The following LONP1 variants were observed in gnomAD, a reference collection of about 807,000 sequenced individuals.
LONP1 encodes lon protease homolog, mitochondrial.
Under a neutral mutation model 98.5 loss-of-function variants are expected in LONP1, and 31 were observed. The observed-to-expected ratio is 0.31, with a 90% confidence interval of 0.24 to 0.42. The LOEUF is 0.42. LONP1 is among the 20% of genes least tolerant of loss of function. LONP1 has a pLI of 1.00. For missense variants in LONP1, 1,336 were observed against 1,350.6 expected (o/e 0.99, Z 0.17); for synonymous variants, 781 against 594.7 (o/e 1.31, Z -4.56).
chr19:5,706,142 T>A, intron 7 of LONP1, 150 bp from the exon 8 acceptor site: 1 of 617,676 alleles, frequency 1.6e-6, no homozygotes, highest in Non-Finnish European at 2.8e-6. Flanking sequence ...TCCTTCCATC[T>A]TCTTTTGTTT....
chr19:5,707,194 G>A (rs755117452), intron 6 of LONP1, 51 bp from the exon 7 acceptor site: 15 of 1,463,714 alleles, frequency 1.0e-5, no homozygotes, highest in African/African-American at 1.4e-5. Flanking sequence ...GCATCTGTGT[G>A]TGTAGGGCCG....
At chr19:5,701,397 T>TA (rs534032168) in intron 8 of LONP1, among the ~76,000 whole-genome samples, 2,807 of 152,300 alleles carry the variant, frequency 0.018, 43 homozygotes, top group East Asian at 0.036. Flanking sequence ...GGCTGGACTG[T>TA]GTGCTGCCAT....
rs368654972 is a variant in LONP1, at chr19:5,700,796, C to T, written c.1499G>A (p.Arg500His). 17 of 1,613,996 alleles carry T rather than the reference C, an allele frequency of 1.1e-5. No homozygotes were observed. The highest frequency in any genetic ancestry group is 3.3e-4 in the Middle Eastern group (2 of 6,084). The part of the protein sequence containing the change: ...DHYGMEDVKK[R>H]ILEFIAVSQL... The stretch of plus-strand genomic sequence containing the variant: ...GCCAGACACTGGGCTCACCAGGATG[C>T]GTTTCTTGACGTCCTCCATGCCGTA... The change falls in exon 9 of 18, where the codon CGC becomes CAC. Residue 500 changes from arginine to histidine, a missense_variant. Physicochemically the swap from Arg to His is conservative, Grantham distance 29. This residue lies in a region of LONP1 where 219 missense variants were observed against 241.0 expected (regional missense o/e 0.91). Transcript: ENST00000360614.
intron 1 of LONP1, among the ~76,000 whole-genome samples, chr19:5,716,816 CAG>C (rs1421857168): frequency 6.6e-6 from 1 of 152,076 alleles, no homozygotes; most frequent in African/African-American, 2.4e-5. Flanking sequence ...TTTTTTAAGA[CAG>C]AGTCTTGCTC....
chr19:5,694,365 C>A, intron 15 of LONP1, 22 bp downstream of exon 15: 2 of 1,608,886 alleles, frequency 1.2e-6, no homozygotes, highest in Non-Finnish European at 1.7e-6. Context: ...GCTTTGGGGT[C>A]TTCTCCCGCC....
intron 7 of LONP1, among the ~76,000 whole-genome samples, chr19:5,706,239 C>T (rs1019766071): frequency 3.3e-5 from 5 of 152,066 alleles, no homozygotes; most frequent in African/African-American, 7.2e-5. Context: ...TGGGCTCAAG[C>T]GATCCTCCTG....
Position 5,719,943 on chromosome 19 carries a change from G to A in LONP1, c.190C>T (p.Gln64Ter). The A allele has an allele frequency of 6.4e-7, 1 of 1,564,594 alleles. No individual in the cohort carries two copies. Among genetic ancestry groups the A allele is most frequent in the Non-Finnish European group, 8.6e-7 (1 of 1,156,828 alleles). ...LWGRGPAIGG[Q>*]WRGFWEASSR... ...CTCGCTTCCCAAAACCCCCGCCATT[G>A]GCCCCCAATTGCCGGGCCTCGGCCC... is the stretch of plus-strand genomic sequence containing the variant. Residue 64 changes from glutamine to a stop codon, truncating the protein, a stop_gained, in exon 1 of 18, where the codon CAA becomes TAA. Coordinates refer to ENST00000360614, the MANE Select transcript of LONP1 (RefSeq NM_004793.4). LOFTEE classifies it high-confidence loss of function.
chr19:5,716,555 A>C (rs989696402), intron 1 of LONP1, among the ~76,000 whole-genome samples: 4 of 142,940 alleles, frequency 2.8e-5, no homozygotes, highest in African/African-American at 1.0e-4. Flanking sequence ...TAGATACATA[A>C]TTTTTTTTTT....
chr19:5,693,739 A>G lies in LONP1; in HGVS notation c.2351T>C (p.Leu784Pro). 3.1e-6 allele frequency: 5 copies of G among 1,613,950 alleles called. No individual in the cohort carries two copies. The highest frequency in any genetic ancestry group is 4.2e-6 in the Non-Finnish European group (5 of 1,179,982). ...GGSTLFVETSLRRPQDKDAKG... is the reference protein window; with the variant it reads ...GGSTLFVETSPRRPQDKDAKG... Reference sequence around the variant, plus strand: ...GGCATCCTTGTCCTGTGGCCGTCTCAGGGATGTCTCCACAAACAGCGTGGA... The same window carrying G: ...GGCATCCTTGTCCTGTGGCCGTCTCGGGGATGTCTCCACAAACAGCGTGGA... The change falls in exon 16 of 18, where the codon CTG becomes CCG. Residue 784 changes from leucine (L) to proline (P), a missense_variant. Around this residue, in one of 5 missense-constraint regions of LONP1, gnomAD observed 555 missense variants for 542.6 expected, o/e 1.02. Coordinates refer to ENST00000360614, the MANE Select transcript of LONP1 (RefSeq NM_004793.4).
At chr19:5,715,906 TATC>T (rs1306800773) in intron 1 of LONP1, among the ~76,000 whole-genome samples, 1 of 151,928 alleles carries the variant, frequency 6.6e-6, no homozygotes, top group Non-Finnish European at 1.5e-5. Flanking sequence ...GTTACTTCCT[TATC>T]ACATCATATG....
Position 5,696,618 on chromosome 19 carries a change from C to T in LONP1, c.1773+52G>A. On this transcript the variant is annotated intron_variant, in intron 11 of 17. Coordinates refer to ENST00000360614, the MANE Select transcript of LONP1 (RefSeq NM_004793.4). ...TAGGACCCGGAAGGCTCGGCTTCAT[C>T]TTGCACACGGCATTGCCGGGTTAGG... The T allele has an allele frequency of 2.7e-6, 4 of 1,503,564 alleles. No individual in the cohort carries two copies. The South Asian group carries it at 3.5e-5, about 13-fold the overall frequency. The allele number at this position is 1,503,564 out of a possible 1,614,324, so 93.1% of individuals were successfully genotyped here. A position where few individuals can be genotyped will look rare whatever the true frequency, so the allele number is the denominator to read the frequency against.
intron 8 of LONP1, among the ~76,000 whole-genome samples, chr19:5,702,316 C>A (rs1449966587): frequency 6.8e-6 from 1 of 147,998 alleles, no homozygotes; most frequent in East Asian, 2.0e-4. Flanking sequence ...GAGGCGTCAG[C>A]CCCCCGCCCA....
chr19:5,703,632 G>A (rs1008338115), intron 8 of LONP1, among the ~76,000 whole-genome samples: 9 of 151,582 alleles, frequency 5.9e-5, no homozygotes, highest in African/African-American at 1.7e-4. Flanking sequence ...ACGGGCATAC[G>A]AGACGCACCG....
chr19:5,692,359 G>A (rs973304270), intron 17 of LONP1, 151 bp from the exon 18 acceptor site: 8 of 664,876 alleles, frequency 1.2e-5, no homozygotes, highest in East Asian at 6.1e-5. Context: ...CAGGGTCCCC[G>A]TCTCCCACGG....
At chr19:5,700,404 C>T (rs1353530650) in intron 9 of LONP1, among the ~76,000 whole-genome samples, 12 of 152,314 alleles carry the variant, frequency 7.9e-5, no homozygotes, top group Middle Eastern at 3.4e-3. Context: ...TGAGCCACAG[C>T]GCCCAGCCGC....
At chr19:5,717,334 C>T (rs1053071057) in intron 1 of LONP1, 4 of 152,216 alleles carry the variant, frequency 2.6e-5, no homozygotes, top group Admixed American at 2.6e-4. Flanking sequence ...CCTCTGCCAA[C>T]AGCTGATAGC....
At chr19:5,714,311 T>C (rs751837530) in intron 1 of LONP1, 40 bp from the exon 2 acceptor site, 14 of 1,134,694 alleles carry the variant, frequency 1.2e-5, no homozygotes, top group Non-Finnish European at 1.8e-5. Flanking sequence ...GCAGAGTAGA[T>C]TTTTTTTTTG....
At position 5,711,939 on chromosome 19, in the gene LONP1, C is replaced by G. The variant is rs1388414611; in HGVS notation, c.702G>C (p.Lys234Asn). ...TGCCCCGCTTTGACTTCCTGCGGGG[C>G]TTGTGCTTGTTCTCCGCCTCCGGCT... ...PEEPEAENKH[K>N]PRRKSKRGKK... Residue 234 changes from lysine (K) to asparagine (N), a missense_variant, in exon 4 of 18, where the codon AAG (lysine) becomes AAC (asparagine). By Grantham distance (94) the Lys-to-Asn change is moderately conservative. Transcript: ENST00000360614. 4.3e-6 allele frequency: 7 copies of G among 1,613,156 alleles called. No individual in the cohort carries two copies. In the Admixed American group the frequency reaches 5.0e-5, roughly 12 times the overall value.
At position 5,719,974 on chromosome 19, in the gene LONP1, T is replaced by C. The variant is rs2055408494; in HGVS notation, c.159A>G (p.Ala53=). The change falls in exon 1 of 18, where the codon GCA becomes GCG. Residue 53 remains alanine (A), a synonymous_variant. Transcript: ENST00000360614. ...QRTCDASPPW[A]LWGRGPAIGG... ...CAATTGCCGGGCCTCGGCCCCACAG[T>C]GCCCAAGGAGGAGAGGCGTCGCAGG... 1.3e-6 allele frequency: 2 copies of C among 1,581,564 alleles called. No individual in the cohort carries two copies. The highest frequency in any genetic ancestry group is 1.7e-6 in the Non-Finnish European group (2 of 1,166,008).
Sources: allele counts gnomAD v4.1 joint callset (sites outside exome capture counted in the v4.1 genomes callset), GRCh38; gene constraint gnomAD v4.1.1; regional missense constraint gnomAD v4.1.1; transcripts MANE v1.5; gene names NCBI Gene and HGNC (gene_info 2026-07-23, HGNC 2026-07-21).